The following FAM78B variants were observed in gnomAD, a reference collection of about 807,000 sequenced individuals.
The protein encoded by FAM78B is family with sequence similarity 78 member B.
A neutral mutation model predicts 20.0 loss-of-function variants in FAM78B; 10 were observed. That is an observed-to-expected ratio of 0.50 (90% confidence interval 0.31 to 0.85). The LOEUF (loss-of-function observed/expected upper bound fraction) is 0.85, where lower values mean the gene tolerates loss of function less well. Among genes scored for constraint, FAM78B ranks in the 40% least tolerant of loss-of-function variants. The pLI, the probability that FAM78B is intolerant of heterozygous loss-of-function variation, is 0.05. For missense variants in FAM78B, 283 were observed against 345.0 expected (o/e 0.82, Z 1.42); for synonymous variants, 135 against 132.8 (o/e 1.02, Z -0.12).
At position 166,152,522 on chromosome 1, in the gene FAM78B, A is replaced by G. The variant is rs145459685; in HGVS notation, c.263+13464T>C. 2.2e-4 allele frequency among the ~76,000 whole-genome samples: 33 copies of G among 152,014 alleles called. No individual in the cohort carries two copies. In the East Asian group the frequency reaches 5.8e-3, roughly 27 times the overall value. On this transcript the variant is annotated intron_variant, in intron 1 of 1. Coordinates refer to ENST00000354422, the MANE Select transcript of FAM78B (RefSeq NM_001017961.5). The stretch of plus-strand genomic sequence containing the variant: ...ACAACCATGTGCTTAAGCTTCTTTC[A>G]TACTCCCTCTCTGCTGCAGACTTGC...
intron 1 of FAM78B, among the ~76,000 whole-genome samples, chr1:166,165,712 C>A (rs1656343801): frequency 6.6e-6 from 1 of 152,122 alleles, no homozygotes; most frequent in Non-Finnish European, 1.5e-5. Flanking sequence ...CTCGAACCCT[C>A]CTTGTCGCGT....
At position 166,166,069 on chromosome 1, in the gene FAM78B, G is replaced by A. The variant is rs759098473; in HGVS notation, c.180C>T (p.Ile60=). 2 of 1,613,988 alleles carry A rather than the reference G, an allele frequency of 1.2e-6. No homozygotes were observed. Among genetic ancestry groups the A allele is most frequent in the Non-Finnish European group, 1.7e-6 (2 of 1,180,008 alleles). ...KASARVVMPP[I]PRHETWVVGW... ...CCACCACCCAGGTCTCGTGGCGGGG[G>A]ATGGGGGGCATGACCACGCGGGCGG... is the stretch of plus-strand genomic sequence containing the variant. The change falls in exon 1 of 2, where the codon ATC becomes ATT. Residue 60 remains isoleucine (I), a synonymous_variant. Transcript: ENST00000354422.
In FAM78B at chr1:166,070,701, C is replaced by T; in HGVS notation, c.326G>A (p.Gly109Glu). ...GTTCCCGTACCAAGGGTAGCTCACC[C>T]CATCTGAGTCACTGATGGCTTTTAC... ...GRVKAISDSD[G>E]VSYPWYGNTT... is the part of the protein sequence containing the mutation. The change falls in exon 2 of 2, where the codon GGG becomes GAG. Residue 109 changes from glycine (G) to glutamate (E), a missense_variant. Transcript: ENST00000354422. 2 of 1,609,540 alleles carry T rather than the reference C, an allele frequency of 1.2e-6. No individual in the cohort carries two copies. The highest frequency in any genetic ancestry group is 1.7e-6 in the Non-Finnish European group (2 of 1,177,758).
At chr1:166,156,281 C>T (rs1655892375) in intron 1 of FAM78B, among the ~76,000 whole-genome samples, 1 of 152,352 alleles carries the variant, frequency 6.6e-6, no homozygotes, top group African/African-American at 2.4e-5. Flanking sequence ...TTGTTGAAGA[C>T]ATTTAGGTGG....
chr1:166,086,663 G>T (rs1299837092), intron 1 of FAM78B, among the ~76,000 whole-genome samples: 1 of 152,216 alleles, frequency 6.6e-6, no homozygotes, highest in Non-Finnish European at 1.5e-5. Context: ...TAGGGCAGCA[G>T]ATGTGGGGAG....
intron 1 of FAM78B, among the ~76,000 whole-genome samples, chr1:166,106,649 C>T (rs1292221868): frequency 2.0e-5 from 3 of 151,954 alleles, no homozygotes; most frequent in Non-Finnish European, 2.9e-5. Context: ...GTTCTCACTG[C>T]TAAGTAGGAG....
intron 1 of FAM78B, chr1:166,086,975 G>A (rs1272157140): frequency 6.6e-6 from 1 of 152,188 alleles, no homozygotes; most frequent in African/African-American, 2.4e-5. Context: ...CAGGTGAGAT[G>A]TCTGTCTCAG....
chr1:166,130,246 G>C (rs1381742123), intron 1 of FAM78B, among the ~76,000 whole-genome samples: 1 of 152,224 alleles, frequency 6.6e-6, no homozygotes, highest in Non-Finnish European at 1.5e-5. Context: ...AAACTTACCT[G>C]AATCGCATGA....
Position 166,166,167 on chromosome 1 carries a change from C to T in FAM78B, c.82G>A (p.Asp28Asn). Residue 28 changes from aspartate (D) to asparagine (N), a missense_variant, in exon 1 of 2, where the codon GAC (aspartate) becomes AAC (asparagine). Physicochemically the swap from Asp to Asn is conservative, Grantham distance 23. Transcript: ENST00000354422. ...TCCTCGATGCGCGTGGGGCACTGGTCGATGGTGGCGCACACATCGTACACC... is the reference window on the plus strand; with the variant it reads ...TCCTCGATGCGCGTGGGGCACTGGTTGATGGTGGCGCACACATCGTACACC... ...IVVYDVCATI[D>N]QCPTRIEETS... 6.2e-7 allele frequency: 1 copy of T among 1,602,306 alleles called. No homozygotes were observed. The highest frequency in any genetic ancestry group is 8.5e-7 in the Non-Finnish European group (1 of 1,174,404).
chr1:166,138,413 T>C (rs1360381410), intron 1 of FAM78B, among the ~76,000 whole-genome samples: 2 of 151,924 alleles, frequency 1.3e-5, no homozygotes, highest in African/African-American at 2.4e-5. Context: ...CCCACCACAA[T>C]GCATGTTTCT....
At chr1:166,061,467 A>T (rs1651595590) in intron 2 of FAM78B, among the ~76,000 whole-genome samples, 1 of 152,196 alleles carries the variant, frequency 6.6e-6, no homozygotes. Flanking sequence ...TTCAGATTGT[A>T]TGCATGGTTT....
At chr1:166,144,733 A>G (rs969990456) in intron 1 of FAM78B, among the ~76,000 whole-genome samples, 11 of 152,166 alleles carry the variant, frequency 7.2e-5, no homozygotes, top group Admixed American at 2.0e-4. Context: ...ACTTTCCTCA[A>G]GGCAAAAAAT....
At chr1:166,163,221 A>C (rs1184178457) in intron 1 of FAM78B, among the ~76,000 whole-genome samples, 4 of 152,214 alleles carry the variant, frequency 2.6e-5, no homozygotes, top group Non-Finnish European at 5.9e-5. Flanking sequence ...AGCAAGATTC[A>C]CCAGGGCCAA....
chr1:166,124,131 C>A lies in FAM78B; in HGVS notation c.263+41855G>T, dbSNP rs73041263. Reference sequence around the variant, plus strand: ...AAACCAATCTCCTTGTAGTTTCCAGCACACACCAGTCTGCTTTATGCTTCT... The same window carrying A: ...AAACCAATCTCCTTGTAGTTTCCAGAACACACCAGTCTGCTTTATGCTTCT... On this transcript the variant is annotated intron_variant, in intron 1 of 1. Coordinates refer to ENST00000354422, the MANE Select transcript of FAM78B (RefSeq NM_001017961.5). 7.7e-3 allele frequency among the ~76,000 whole-genome samples: 1,180 copies of A among 152,316 alleles called. 16 individuals carry two copies. The highest frequency in any genetic ancestry group is 0.027 in the African/African-American group (1,138 of 41,564).
intron 1 of FAM78B, among the ~76,000 whole-genome samples, chr1:166,106,081 T>C (rs554782548): frequency 6.6e-6 from 1 of 151,240 alleles, no homozygotes; most frequent in South Asian, 2.1e-4. Context: ...ATGGAAACCA[T>C]CATTCTCAGC....
chr1:166,070,177 C>A lies in FAM78B; in HGVS notation c.*64G>T. ...AGAAACTCTGTTTGGCTCCTGCCAC[C>A]CCTGGCACCCTCACTGCATGTCTCA... is the stretch of plus-strand genomic sequence containing the variant. On this transcript the variant is annotated 3_prime_UTR_variant, in exon 2 of 2. Coordinates refer to ENST00000354422, the MANE Select transcript of FAM78B (RefSeq NM_001017961.5). 6.9e-7 allele frequency: 1 copy of A among 1,442,676 alleles called. No individual in the cohort carries two copies. Among genetic ancestry groups the A allele is most frequent in the Non-Finnish European group, 9.1e-7 (1 of 1,093,062 alleles). The allele number at this position is 1,442,676 out of a possible 1,614,324, so 89.4% of individuals were successfully genotyped here. A position where few individuals can be genotyped will look rare whatever the true frequency, so the allele number is the denominator to read the frequency against.
At chr1:166,122,789 A>C (rs1654508748) in intron 1 of FAM78B, among the ~76,000 whole-genome samples, 2 of 152,218 alleles carry the variant, frequency 1.3e-5, no homozygotes, top group South Asian at 4.1e-4. Context: ...TGGTATATAA[A>C]ATATGCTTTA....
At chr1:166,084,761 G>A (rs1365549302) in intron 1 of FAM78B, among the ~76,000 whole-genome samples, 2 of 152,118 alleles carry the variant, frequency 1.3e-5, no homozygotes, top group African/African-American at 2.4e-5. Context: ...AGCCCTGCTG[G>A]ATGTCTCTGA....
chr1:166,156,681 T>C (rs181664991), intron 1 of FAM78B, among the ~76,000 whole-genome samples: 35 of 152,320 alleles, frequency 2.3e-4, no homozygotes, highest in Admixed American at 4.6e-4. Flanking sequence ...ATAAAGTACC[T>C]TAAAAATAGC....
Sources: allele counts gnomAD v4.1 joint callset (sites outside exome capture counted in the v4.1 genomes callset), GRCh38; gene constraint gnomAD v4.1.1; transcripts MANE v1.5; gene names NCBI Gene and HGNC (gene_info 2026-07-23, HGNC 2026-07-21).